Variants in GSKIP observed in about 807,000 individuals in gnomAD.
GSKIP encodes GSK3B interacting protein, also known as GSK3B-interacting protein.
GSKIP carries 5 observed loss-of-function variants against 11.9 expected under a neutral mutation model. That is an observed-to-expected ratio of 0.42 (90% CI 0.22 to 0.89). The LOEUF (loss-of-function observed/expected upper bound fraction) is 0.89, where lower values mean the gene tolerates loss of function less well. GSKIP is among the 40% of genes least tolerant of loss of function. The pLI is 0.29. For synonymous variants in GSKIP, 70 were observed against 62.9 expected (o/e 1.11, Z -0.54); for missense variants, 150 against 166.6 (o/e 0.90, Z 0.55).
chr14:96,366,490 A>G (rs2139925862), intron 1 of GSKIP, among the ~76,000 whole-genome samples: 1 of 152,354 alleles, frequency 6.6e-6, no homozygotes. Context: ...ATCTTTGGCT[A>G]CAGTAGGGTA....
chr14:96,374,136 G>C (rs1889133870), intron 1 of GSKIP, among the ~76,000 whole-genome samples: 1 of 152,032 alleles, frequency 6.6e-6, no homozygotes, highest in Admixed American at 6.6e-5. Context: ...AGCAAATTAA[G>C]CAAAGACATG....
At position 96,385,743 on chromosome 14, in the gene GSKIP, A is replaced by C; in HGVS notation, c.*59A>C. Reference sequence around the variant, plus strand: ...GTACAGAATGTTGATATAAAGCTTAAAATTCTTGCATATGGTCATAGAAAA... The same window carrying C: ...GTACAGAATGTTGATATAAAGCTTACAATTCTTGCATATGGTCATAGAAAA... On this transcript the variant is annotated 3_prime_UTR_variant, in exon 4 of 4. Transcript: ENST00000555181. The C allele has an allele frequency of 7.4e-7, 1 of 1,347,628 alleles. No individual in the cohort carries two copies. The highest frequency in any genetic ancestry group is 1.0e-6 in the Non-Finnish European group (1 of 987,620). The allele number at this position is 1,347,628 out of a possible 1,614,324, so 83.5% of individuals were successfully genotyped here.
At position 96,385,537 on chromosome 14, in the gene GSKIP, T is replaced by C. The variant is rs1452369494; in HGVS notation, c.273T>C (p.Ala91=). The C allele has an allele frequency of 6.2e-7, 1 of 1,611,550 alleles. No individual in the cohort carries two copies. Among genetic ancestry groups the C allele is most frequent in the Non-Finnish European group, 8.5e-7 (1 of 1,179,172 alleles). ...TTCTCTTGTAGGTGGTAGGCTATGC[T>C]TTTGACCAGGTAGATGATCATTTAC... ...TEAGLKVVGY[A]FDQVDDHLQT... Residue 91 remains alanine, a synonymous_variant, in exon 4 of 4, where the codon GCT becomes GCC. Transcript: ENST00000555181.
chr14:96,368,883 G>A (rs938656335), intron 1 of GSKIP, among the ~76,000 whole-genome samples: 25 of 152,182 alleles, frequency 1.6e-4, no homozygotes, highest in African/African-American at 5.6e-4. Flanking sequence ...TTGAAAATGC[G>A]GAAGCAGCTT....
Position 96,382,488 on chromosome 14 carries a change from A to T in GSKIP, c.241A>T (p.Thr81Ser). Residue 81 changes from threonine (T) to serine (S), a missense_variant, in exon 3 of 4, where the codon ACT becomes TCT. By Grantham distance (58) the Thr-to-Ser change is moderately conservative. Coordinates refer to ENST00000555181, the MANE Select transcript of GSKIP (RefSeq NM_016472.5). ...KERNRYCLEL[T>S]EAGLKVVGYA... ...AAGAAACAGATATTGCCTAGAACTC[A>T]CTGAAGCAGGGCTCAAGGTAACTCA... 1 of 1,611,660 alleles carries T rather than the reference A, an allele frequency of 6.2e-7. No homozygotes were observed. Among genetic ancestry groups the T allele is most frequent in the Non-Finnish European group, 8.5e-7 (1 of 1,178,430 alleles).
Position 96,386,686 on chromosome 14 carries a change from G to T in GSKIP, c.*1002G>T, listed in dbSNP as rs899556731. The T allele has an allele frequency of 2.0e-5, 3 of 152,584 alleles. No individual in the cohort carries two copies. Among genetic ancestry groups the T allele is most frequent in the African/African-American group, 7.2e-5 (3 of 41,426 alleles). 9.5% of individuals were successfully genotyped at this position (152,584 alleles called of 1,614,324 possible). ...CAATGTAATATGAGTGCATTGTATGGGTTTGAAACCAAAGGATGAATGAAG... is the reference window on the plus strand; with the variant it reads ...CAATGTAATATGAGTGCATTGTATGTGTTTGAAACCAAAGGATGAATGAAG... On this transcript the variant is annotated 3_prime_UTR_variant, in exon 4 of 4. Transcript: ENST00000555181.
chr14:96,372,334 T>C (rs1018038110), intron 1 of GSKIP, among the ~76,000 whole-genome samples: 1 of 152,202 alleles, frequency 6.6e-6, no homozygotes. Flanking sequence ...CCCATCTTCA[T>C]GGGTCTGTAG....
chr14:96,377,638 A>G (rs952398819), intron 1 of GSKIP, among the ~76,000 whole-genome samples: 1 of 152,252 alleles, frequency 6.6e-6, no homozygotes, highest in Non-Finnish European at 1.5e-5. Flanking sequence ...TCTGGGGTAC[A>G]TAATCCAAAG....
chr14:96,367,860 A>G (rs923663644), intron 1 of GSKIP, among the ~76,000 whole-genome samples: 3 of 152,216 alleles, frequency 2.0e-5, no homozygotes, highest in African/African-American at 7.2e-5. Flanking sequence ...AAATAATAGC[A>G]ATTGTCAAGT....
At chr14:96,369,801 A>G (rs112496960) in intron 1 of GSKIP, among the ~76,000 whole-genome samples, 1,592 of 152,232 alleles carry the variant, frequency 0.01, 25 homozygotes, top group African/African-American at 0.036. Flanking sequence ...CCAAGCAGAA[A>G]TGTGGTGTTG....
intron 1 of GSKIP, among the ~76,000 whole-genome samples, chr14:96,375,558 C>G (rs997305583): frequency 7.9e-5 from 12 of 151,808 alleles, no homozygotes; most frequent in African/African-American, 2.9e-4. Context: ...CTCAGCCTCC[C>G]GAGTAGCTGG....
chr14:96,381,874 T>A (rs1412696812), intron 2 of GSKIP, among the ~76,000 whole-genome samples: 3 of 152,206 alleles, frequency 2.0e-5, no homozygotes, highest in Non-Finnish European at 4.4e-5. Context: ...GTCCTTTGAC[T>A]CAGCAATTTC....
At chr14:96,375,769 C>A (rs1889183421) in intron 1 of GSKIP, among the ~76,000 whole-genome samples, 1 of 152,172 alleles carries the variant, frequency 6.6e-6, no homozygotes, top group Non-Finnish European at 1.5e-5. Context: ...GCTGAGAAGT[C>A]CAAGGTAGAG....
chr14:96,385,457 C>A, intron 3 of GSKIP, 66 bp from the exon 4 acceptor site: 1 of 1,282,688 alleles, frequency 7.8e-7, no homozygotes, highest in Non-Finnish European at 1.1e-6. Flanking sequence ...CTCACATAAA[C>A]ACTTGGATTT....
intron 1 of GSKIP, among the ~76,000 whole-genome samples, chr14:96,369,227 G>A (rs929967413): frequency 5.9e-5 from 9 of 152,196 alleles, no homozygotes; most frequent in African/African-American, 1.7e-4. Context: ...AAGAAGTGGC[G>A]TGGCTGCTTT....
intron 1 of GSKIP, among the ~76,000 whole-genome samples, chr14:96,373,965 A>G (rs1021945704): frequency 6.6e-6 from 1 of 152,260 alleles, no homozygotes; most frequent in Non-Finnish European, 1.5e-5. Flanking sequence ...TCCAGTCAGA[A>G]AAGACCAGGC....
intron 1 of GSKIP, among the ~76,000 whole-genome samples, chr14:96,376,543 T>A (rs552859435): frequency 3.9e-5 from 6 of 152,332 alleles, no homozygotes; most frequent in Non-Finnish European, 8.8e-5. Flanking sequence ...CCTTATTTTG[T>A]AGATGAGACC....
At chr14:96,375,773 G>A (rs1040135350) in intron 1 of GSKIP, among the ~76,000 whole-genome samples, 1 of 152,216 alleles carries the variant, frequency 6.6e-6, no homozygotes, top group African/African-American at 2.4e-5. Context: ...AGAAGTCCAA[G>A]GTAGAGGGGT....
At chr14:96,370,225 C>T (rs1311462540) in intron 1 of GSKIP, among the ~76,000 whole-genome samples, 1 of 152,176 alleles carries the variant, frequency 6.6e-6, no homozygotes, top group African/African-American at 2.4e-5. Context: ...TTTTACTTCA[C>T]AAGCTTATAG....
Sources: gnomAD v4.1 joint callset for allele counts (sites outside exome capture counted in the v4.1 genomes callset) on GRCh38, gnomAD v4.1.1 for gene constraint, MANE v1.5 for transcripts, NCBI Gene and HGNC (gene_info 2026-07-23, HGNC 2026-07-21) for gene names.